Variants in PRKCB observed in about 807,000 individuals in gnomAD.
PRKCB encodes the protein protein kinase C beta.
PRKCB carries 13 observed loss-of-function variants against 81.5 expected under a neutral mutation model. The observed-to-expected ratio is 0.16, with a 90% CI of 0.10 to 0.25. PRKCB has a LOEUF of 0.25. Among genes scored for constraint, PRKCB ranks in the 10% least tolerant of loss-of-function variants. The probability of loss-of-function intolerance (pLI) is 1.00; values close to 1 mark genes in which losing one functional copy is unlikely to be tolerated. For synonymous variants in PRKCB, 335 were observed against 321.4 expected, an observed-to-expected ratio of 1.04 and a Z score of -0.45; for missense variants, 509 against 875.7, an observed-to-expected ratio of 0.58 and a Z score of 5.29.
chr16:23,991,828 G>C (rs780454137), intron 3 of PRKCB, among the ~76,000 whole-genome samples: 1 of 152,208 alleles, frequency 6.6e-6, no homozygotes, highest in Non-Finnish European at 1.5e-5. Context: ...AAGAGCTAAA[G>C]TCTCATTAGA....
intron 11 of PRKCB, 24 bp from the exon 12 acceptor site, chr16:24,174,494 C>CT (rs72154122): frequency 0.014 from 21,527 of 1,497,334 alleles, no homozygotes; most frequent in Middle Eastern, 0.024. Flanking sequence ...TTCTCCATCG[C>CT]TTTTTTTTTT....
intron 3 of PRKCB, among the ~76,000 whole-genome samples, chr16:23,991,423 G>T (rs1312365557): frequency 6.6e-6 from 1 of 152,190 alleles, no homozygotes; most frequent in African/African-American, 2.4e-5. Context: ...AAAATAGGCA[G>T]GGGAGTTTGG....
intron 3 of PRKCB, among the ~76,000 whole-genome samples, chr16:24,024,416 G>A (rs1364394385): frequency 1.3e-5 from 2 of 152,166 alleles, no homozygotes; most frequent in South Asian, 2.1e-4. Flanking sequence ...ACAGCAGGGT[G>A]ACATTAGTCA....
chr16:24,134,872 T>C (rs563393359), intron 9 of PRKCB, among the ~76,000 whole-genome samples: 1 of 151,796 alleles, frequency 6.6e-6, no homozygotes, highest in Admixed American at 6.6e-5. Flanking sequence ...GATTACACCA[T>C]TGCACTCCAG....
intron 16 of PRKCB, among the ~76,000 whole-genome samples, chr16:24,198,452 A>G (rs964333670): frequency 6.6e-6 from 1 of 152,202 alleles, no homozygotes; most frequent in African/African-American, 2.4e-5. Context: ...AGTGAGGTGA[A>G]GAGGAAGAGA....
Position 24,180,919 on chromosome 16 carries a change from C to T in PRKCB, c.1524C>T (p.Ile508=), listed in dbSNP as rs17847876. The stretch of plus-strand genomic sequence containing the variant: ...CATTCTGTGGCACTCCAGACTACAT[C>T]GCCCCCGAGGTGAGAGCTGCTGGGC... The part of the protein sequence containing the change: ...TKTFCGTPDY[I]APEIIAYQPY... Residue 508 remains isoleucine, a synonymous_variant, in exon 13 of 17, where the codon ATC becomes ATT. Transcript: ENST00000643927. 114 of 1,614,004 alleles carry T rather than the reference C, an allele frequency of 7.1e-5. No individual in the cohort carries two copies. The East Asian group carries it at 2.2e-3, about 31-fold the overall frequency.
intron 3 of PRKCB, among the ~76,000 whole-genome samples, chr16:23,995,433 AT>A (rs1349320710): frequency 6.6e-6 from 1 of 152,200 alleles, no homozygotes; most frequent in Non-Finnish European, 1.5e-5. Flanking sequence ...TTATAGGTGA[AT>A]TGAAGCACAA....
chr16:23,911,727 G>A (rs1270023107), intron 2 of PRKCB, among the ~76,000 whole-genome samples: 2 of 151,958 alleles, frequency 1.3e-5, no homozygotes, highest in African/African-American at 2.4e-5. Context: ...GTTCCCAGGA[G>A]CCTCAGTGCA....
intron 5 of PRKCB, among the ~76,000 whole-genome samples, chr16:24,043,591 T>C (rs1166832888): frequency 6.6e-6 from 1 of 152,148 alleles, no homozygotes. Flanking sequence ...TAGGTTGAGG[T>C]GAGTGTCTCA....
At position 24,107,319 on chromosome 16, in the gene PRKCB, C is replaced by T. The variant is rs150224507; in HGVS notation, c.822-5654C>T. Reference sequence around the variant, plus strand: ...GCATTGTTTCTTTCTATTTAAATGACTAAATTTTTCACACATCCTATTGTG... The same window carrying T: ...GCATTGTTTCTTTCTATTTAAATGATTAAATTTTTCACACATCCTATTGTG... On this transcript the variant is annotated intron_variant, in intron 7 of 16. Coordinates refer to ENST00000643927, the MANE Select transcript of PRKCB (RefSeq NM_002738.7). Among the ~76,000 whole-genome samples, 1,262 of 152,280 alleles carry T rather than the reference C, an allele frequency of 8.3e-3. 16 individuals carry two copies. Among genetic ancestry groups the T allele is most frequent in the African/African-American group, 0.029 (1,215 of 41,544 alleles).
At chr16:23,859,293 A>C (rs1395069261) in intron 2 of PRKCB, among the ~76,000 whole-genome samples, 1 of 152,228 alleles carries the variant, frequency 6.6e-6, no homozygotes, top group Non-Finnish European at 1.5e-5. Flanking sequence ...AGGGCACAGA[A>C]GGTGGCATAT....
intron 7 of PRKCB, among the ~76,000 whole-genome samples, chr16:24,095,067 T>C (rs1966423783): frequency 6.6e-6 from 1 of 152,166 alleles, no homozygotes; most frequent in Admixed American, 6.5e-5. Flanking sequence ...TTTCTATTTG[T>C]CACCGTCCTC....
intron 2 of PRKCB, among the ~76,000 whole-genome samples, chr16:23,863,066 C>CAT (rs201723507): frequency 1.4e-5 from 2 of 147,792 alleles, no homozygotes; most frequent in Non-Finnish European, 1.5e-5. Flanking sequence ...TTTTTAAAAT[C>CAT]ATATATATAT....
intron 2 of PRKCB, among the ~76,000 whole-genome samples, chr16:23,879,915 G>A (rs529848155): frequency 3.3e-5 from 5 of 152,190 alleles, no homozygotes; most frequent in Non-Finnish European, 7.3e-5. Context: ...CCTTGGGCAA[G>A]TCTTAACCTC....
chr16:24,019,777 A>G (rs1965335204), intron 3 of PRKCB, among the ~76,000 whole-genome samples: 1 of 149,056 alleles, frequency 6.7e-6, no homozygotes, highest in African/African-American at 2.6e-5. Flanking sequence ...AAAAAAAAGA[A>G]AAAAAAATGA....
intron 5 of PRKCB, among the ~76,000 whole-genome samples, chr16:24,075,465 T>G (rs1037209189): frequency 2.0e-5 from 3 of 152,148 alleles, no homozygotes; most frequent in Non-Finnish European, 4.4e-5. Flanking sequence ...GTGTGGAGAT[T>G]GTTGATTGGT....
chr16:23,879,308 G>A (rs1963067353), intron 2 of PRKCB, among the ~76,000 whole-genome samples: 1 of 152,124 alleles, frequency 6.6e-6, no homozygotes, highest in Non-Finnish European at 1.5e-5. Flanking sequence ...GGAGATATGG[G>A]AGTGGGAAAG....
intron 2 of PRKCB, among the ~76,000 whole-genome samples, chr16:23,969,750 G>T (rs1248863065): frequency 6.6e-6 from 1 of 152,128 alleles, no homozygotes; most frequent in Non-Finnish European, 1.5e-5. Context: ...ATTGTCAATA[G>T]AAAAATTCTC....
chr16:24,113,416 ATTCT>A, intron 8 of PRKCB, among the ~76,000 whole-genome samples: 1 of 110,376 alleles, frequency 9.1e-6, no homozygotes, highest in East Asian at 2.5e-4. Context: ...TTTCCCTCTC[ATTCT>A]TTCTTTTCTT....
Sources: allele counts gnomAD v4.1 joint callset (sites outside exome capture counted in the v4.1 genomes callset), GRCh38; gene constraint gnomAD v4.1.1; transcripts MANE v1.5; gene names NCBI Gene and HGNC (gene_info 2026-07-23, HGNC 2026-07-21).